Variants in CCDC81 observed in about 807,000 individuals in gnomAD.
CCDC81 encodes coiled-coil domain containing 81, also known as coiled-coil domain-containing protein 81.
CCDC81 carries 79 observed loss-of-function variants against 83.7 expected under a neutral mutation model. The observed-to-expected ratio is 0.94, with a 90% CI of 0.79 to 1.14. The LOEUF (loss-of-function observed/expected upper bound fraction) is 1.14. CCDC81 is among the 50% of genes most tolerant of loss of function. The pLI is 0.00. For synonymous variants in CCDC81, 252 were observed against 278.1 expected (o/e 0.91, Z 0.93); for missense variants, 791 against 778.1 (o/e 1.02, Z -0.20).
At chr11:86,384,982 A>C (rs1218917549) in intron 1 of CCDC81, among the ~76,000 whole-genome samples, 3 of 152,272 alleles carry the variant, frequency 2.0e-5, no homozygotes. Flanking sequence ...GCTCAGAACA[A>C]GAAGATAAAC....
chr11:86,383,574 T>C (rs1262168637), intron 1 of CCDC81, among the ~76,000 whole-genome samples: 1 of 152,182 alleles, frequency 6.6e-6, no homozygotes, highest in Non-Finnish European at 1.5e-5. Context: ...TGTCTAGGGA[T>C]TAGTTCTTTA....
chr11:86,383,320 T>C (rs975467441), intron 1 of CCDC81, among the ~76,000 whole-genome samples: 2 of 152,234 alleles, frequency 1.3e-5, no homozygotes, highest in South Asian at 2.1e-4. Flanking sequence ...CATATATCAG[T>C]ATTTTAATTT....
intron 5 of CCDC81, 62 bp downstream of exon 5, chr11:86,395,475 C>G (rs1291645817): frequency 1.2e-5 from 15 of 1,267,020 alleles, no homozygotes; most frequent in Non-Finnish European, 1.5e-5. Context: ...CTGCTGATCT[C>G]ATTGGGCAGT....
In CCDC81 at chr11:86,412,577, C is replaced by T. The variant is rs200715403; in HGVS notation, c.1391+18C>T. The stretch of plus-strand genomic sequence containing the variant: ...ACAGAGGAGTGAGTCCAGCTACACA[C>T]GCTCTGACAAATGGATTTGGAATTT... On this transcript the variant is annotated intron_variant, in intron 11 of 14. Coordinates refer to ENST00000445632, the MANE Select transcript of CCDC81 (RefSeq NM_001156474.2). 623 of 1,570,810 alleles carry T rather than the reference C, an allele frequency of 4.0e-4. No homozygotes were observed. Among genetic ancestry groups the T allele is most frequent in the African/African-American group, 7.4e-4 (54 of 72,836 alleles).
Position 86,395,349 on chromosome 11 carries a change from G to T in CCDC81, c.571G>T (p.Asp191Tyr). 1 of 1,614,008 alleles carries T rather than the reference G, an allele frequency of 6.2e-7. No homozygotes were observed. The highest frequency in any genetic ancestry group is 8.5e-7 in the Non-Finnish European group (1 of 1,179,950). Residue 191 changes from aspartate (D) to tyrosine (Y), a missense_variant, in exon 5 of 15, where the codon GAC (aspartate) becomes TAC (tyrosine). Asp to Tyr is a radical substitution (Grantham distance 160). Coordinates refer to ENST00000445632, the MANE Select transcript of CCDC81 (RefSeq NM_001156474.2). ...KALANRPGTV[D>Y]SVLSSREALR... The stretch of plus-strand genomic sequence containing the variant: ...TGTCCTCTAGAGGCCTGGCACTGTG[G>T]ACTCGGTGTTGTCTAGCAGAGAGGC...
At chr11:86,379,791 A>G (rs1948151898) in intron 1 of CCDC81, among the ~76,000 whole-genome samples, 3 of 152,132 alleles carry the variant, frequency 2.0e-5, no homozygotes. Context: ...AGCATGGGCA[A>G]TATAGTGAGA....
chr11:86,422,650 A>G lies in CCDC81; in HGVS notation c.1894A>G (p.Asn632Asp). The change falls in exon 15 of 15, where the codon AAC (asparagine) becomes GAC (aspartate). Residue 632 changes from asparagine (N) to aspartate (D), a missense_variant. Coordinates refer to ENST00000445632, the MANE Select transcript of CCDC81 (RefSeq NM_001156474.2). ...CAAGCAATGCCAGAGGCGCACCTCC[A>G]ACGTGGGCGAGAGCAACCTGTGGCC... ...RCKQCQRRTSNVGESNLWPLN... is the reference protein window; with the variant it reads ...RCKQCQRRTSDVGESNLWPLN... 6.2e-7 allele frequency: 1 copy of G among 1,614,130 alleles called. No homozygotes were observed. The highest frequency in any genetic ancestry group is 8.5e-7 in the Non-Finnish European group (1 of 1,179,986).
chr11:86,393,194 C>G (rs1377746310), intron 4 of CCDC81, among the ~76,000 whole-genome samples: 1 of 152,112 alleles, frequency 6.6e-6, no homozygotes, highest in African/African-American at 2.4e-5. Context: ...TCTCAAGTAC[C>G]TGGAATTACA....
At chr11:86,393,416 C>T (rs4482051) in intron 4 of CCDC81, among the ~76,000 whole-genome samples, 83,321 of 151,970 alleles carry the variant, frequency 0.55, 23,053 homozygotes, top group East Asian at 0.73. Context: ...CTCAAAATAG[C>T]ATACAAGCAG....
intron 1 of CCDC81, among the ~76,000 whole-genome samples, chr11:86,379,123 G>T (rs1489867782): frequency 6.7e-6 from 1 of 148,834 alleles, no homozygotes; most frequent in Non-Finnish European, 1.5e-5. Flanking sequence ...TTGAGACATA[G>T]TCTTGCTGTG....
chr11:86,395,805 T>C (rs1452532697), intron 5 of CCDC81, among the ~76,000 whole-genome samples: 2 of 152,058 alleles, frequency 1.3e-5, no homozygotes, highest in Admixed American at 1.3e-4. Flanking sequence ...GTACTTTTAG[T>C]AGAGATGAGG....
intron 7 of CCDC81, among the ~76,000 whole-genome samples, chr11:86,406,731 G>A (rs1185179536): frequency 1.3e-5 from 2 of 152,132 alleles, no homozygotes; most frequent in Admixed American, 6.5e-5. Flanking sequence ...CTTGAACTTG[G>A]GAGGCAGAGG....
chr11:86,393,105 CA>C (rs1290039146), intron 4 of CCDC81, among the ~76,000 whole-genome samples: 1 of 152,218 alleles, frequency 6.6e-6, no homozygotes, highest in African/African-American at 2.4e-5. Flanking sequence ...CTCCGTCACC[CA>C]GGCTGGAGTG....
intron 1 of CCDC81, among the ~76,000 whole-genome samples, chr11:86,380,812 T>C (rs1270380768): frequency 1.3e-5 from 2 of 152,256 alleles, no homozygotes; most frequent in African/African-American, 4.8e-5. Context: ...ATCTCTCTGC[T>C]TATGTAGCCC....
chr11:86,377,968 C>CGTTTTTTTT (rs1948120464), intron 1 of CCDC81, among the ~76,000 whole-genome samples: 1 of 73,350 alleles, frequency 1.4e-5, no homozygotes, highest in East Asian at 5.4e-4. Flanking sequence ...TGCCTAGGTT[C>CGTTTTTTTT]TTTTTTTTTT....
intron 4 of CCDC81, among the ~76,000 whole-genome samples, chr11:86,394,487 A>G (rs183510079): frequency 1.3e-5 from 2 of 152,316 alleles, no homozygotes; most frequent in Non-Finnish European, 2.9e-5. Flanking sequence ...AGGTTAATCC[A>G]ATATCTCATT....
At chr11:86,400,919 T>C (rs916074538) in intron 7 of CCDC81, 118 bp downstream of exon 7, 38 of 1,069,534 alleles carry the variant, frequency 3.6e-5, no homozygotes, top group Non-Finnish European at 4.6e-5. Flanking sequence ...CTTTAGAGCT[T>C]TCTATATGCA....
intron 11 of CCDC81, among the ~76,000 whole-genome samples, chr11:86,412,846 G>C (rs1948666301): frequency 2.0e-5 from 3 of 152,190 alleles, no homozygotes; most frequent in African/African-American, 7.2e-5. Flanking sequence ...CAGTATCTAG[G>C]GGTGAATGTT....
chr11:86,409,340 A>G lies in CCDC81; in HGVS notation c.1193A>G (p.His398Arg). 1 of 1,534,510 alleles carries G rather than the reference A, an allele frequency of 6.5e-7. No individual in the cohort carries two copies. Among genetic ancestry groups the G allele is most frequent in the Non-Finnish European group, 8.7e-7 (1 of 1,143,634 alleles). ...NLGVAEAIRNHKNEKPEFYKS... is the reference protein window; with the variant it reads ...NLGVAEAIRNRKNEKPEFYKS... ...GGAGTTGCTGAAGCTATAAGAAACC[A>G]CAAGAATGAGAAACCGGAATTTTAT... is the stretch of plus-strand genomic sequence containing the variant. Residue 398 changes from histidine to arginine, a missense_variant, in exon 10 of 15, where the codon CAC becomes CGC. His to Arg is a conservative substitution (Grantham distance 29, BLOSUM62 0). Coordinates refer to ENST00000445632, the MANE Select transcript of CCDC81 (RefSeq NM_001156474.2).
Sources: allele counts gnomAD v4.1 joint callset (sites outside exome capture counted in the v4.1 genomes callset), GRCh38; gene constraint gnomAD v4.1.1; transcripts MANE v1.5; gene names NCBI Gene and HGNC (gene_info 2026-07-23, HGNC 2026-07-21).